ENOX1: variants seen among roughly 807,000 people sequenced by gnomAD.
ENOX1 encodes candidate growth-related and time keeping constitutive hydroquinone (NADH) oxidase.
ENOX1 carries 42 observed loss-of-function variants against 82.5 expected under a neutral mutation model. That is an observed-to-expected ratio of 0.51 (90% CI 0.40 to 0.66). ENOX1 has a LOEUF of 0.66. ENOX1 is among the 30% of genes least tolerant of loss of function. The pLI, the probability that ENOX1 is intolerant of heterozygous loss-of-function variation, is 0.00. For synonymous variants in ENOX1, 271 were observed against 282.2 expected, an observed-to-expected ratio of 0.96 and a Z score of 0.40; for missense variants, 608 against 811.6, an observed-to-expected ratio of 0.75 and a Z score of 3.05.
chr13:43,388,737 G>T (rs536406685), intron 5 of ENOX1, among the ~76,000 whole-genome samples: 4 of 152,318 alleles, frequency 2.6e-5, no homozygotes, highest in Admixed American at 2.0e-4. Flanking sequence ...ACCAGGGAAG[G>T]CTATTAGAAT....
At chr13:43,592,999 A>G (rs2153726299) in intron 2 of ENOX1, among the ~76,000 whole-genome samples, 1 of 152,374 alleles carries the variant, frequency 6.6e-6, no homozygotes, top group Non-Finnish European at 1.5e-5. Flanking sequence ...ATCAGTAACT[A>G]TCACGTTAGT....
intron 11 of ENOX1, among the ~76,000 whole-genome samples, chr13:43,316,662 C>T (rs2047509167): frequency 6.6e-6 from 1 of 151,070 alleles, no homozygotes; most frequent in African/African-American, 2.4e-5. Context: ...TTTTCAGAAG[C>T]ATATCCATTA....
intron 11 of ENOX1, among the ~76,000 whole-genome samples, chr13:43,321,401 AG>A (rs1303103505): frequency 6.6e-6 from 1 of 152,194 alleles, no homozygotes; most frequent in African/African-American, 2.4e-5. Context: ...TGTAGGCAGG[AG>A]CTTTTTCTTA....
At chr13:43,642,829 C>T (rs544353286) in intron 2 of ENOX1, among the ~76,000 whole-genome samples, 1 of 152,332 alleles carries the variant, frequency 6.6e-6, no homozygotes, top group Admixed American at 6.5e-5. Context: ...CCTAATAGAG[C>T]TCAGAATTTG....
intron 2 of ENOX1, among the ~76,000 whole-genome samples, chr13:43,626,190 C>A (rs1010871037): frequency 4.6e-5 from 7 of 151,786 alleles, no homozygotes; most frequent in African/African-American, 1.4e-4. Context: ...GTGACATATA[C>A]AATATATTTG....
intron 5 of ENOX1, among the ~76,000 whole-genome samples, chr13:43,406,134 T>C (rs578035203): frequency 1.2e-4 from 19 of 152,300 alleles, no homozygotes; most frequent in African/African-American, 4.3e-4. Flanking sequence ...AAGGTGTTCC[T>C]GTGAGGATTA....
intron 1 of ENOX1, among the ~76,000 whole-genome samples, chr13:43,768,943 A>T (rs923136528): frequency 3.9e-5 from 6 of 152,230 alleles, no homozygotes; most frequent in African/African-American, 1.4e-4. Context: ...CTCAATTTCA[A>T]TACTTAACAC....
intron 1 of ENOX1, among the ~76,000 whole-genome samples, chr13:43,743,463 T>C (rs1949860522): frequency 6.6e-6 from 1 of 152,198 alleles, no homozygotes; most frequent in South Asian, 2.1e-4. Flanking sequence ...TTGTGGTAGA[T>C]TTTCTAATAG....
chr13:43,483,122 G>A (rs1315486304), intron 3 of ENOX1, among the ~76,000 whole-genome samples: 1 of 152,168 alleles, frequency 6.6e-6, no homozygotes, highest in African/African-American at 2.4e-5. Flanking sequence ...CAGAATAAAA[G>A]TACCACCAAA....
At position 43,690,194 on chromosome 13, in the gene ENOX1, G is replaced by A. The variant is rs1594422150; in HGVS notation, c.-284-22650C>T. ...TATTCAGGACAACCATGGGAGTTCT[G>A]AGATTTTTGTATTTAGAACACTCTT... On this transcript the variant is annotated intron_variant, in intron 1 of 16. Transcript: ENST00000690772. Among the ~76,000 whole-genome samples, 4 of 150,390 alleles carry A rather than the reference G, an allele frequency of 2.7e-5. No homozygotes were observed. The South Asian group carries it at 8.4e-4, about 32-fold the overall frequency.
chr13:43,470,194 A>G (rs34344135), intron 3 of ENOX1, among the ~76,000 whole-genome samples: 3,580 of 62,150 alleles, frequency 0.058, 300 homozygotes, highest in African/African-American at 0.11. Flanking sequence ...GTGTGTGTGT[A>G]TATATATATG....
intron 1 of ENOX1, among the ~76,000 whole-genome samples, chr13:43,756,693 T>G (rs1950659974): frequency 2.0e-5 from 3 of 152,120 alleles, no homozygotes; most frequent in African/African-American, 7.2e-5. Flanking sequence ...TAGTAAGGAT[T>G]TGCTCATTAG....
intron 1 of ENOX1, among the ~76,000 whole-genome samples, chr13:43,676,109 G>A (rs2085496114): frequency 6.6e-6 from 1 of 152,156 alleles, no homozygotes. Flanking sequence ...ATGAATGGAA[G>A]AAACACTCAT....
At chr13:43,663,484 C>A (rs538845618) in intron 2 of ENOX1, among the ~76,000 whole-genome samples, 75 of 152,282 alleles carry the variant, frequency 4.9e-4, no homozygotes, top group African/African-American at 1.8e-3. Flanking sequence ...CAAATACAAT[C>A]TTCTCTATAA....
chr13:43,450,844 G>A (rs1418553336), intron 3 of ENOX1, among the ~76,000 whole-genome samples: 3 of 152,068 alleles, frequency 2.0e-5, no homozygotes, highest in Non-Finnish European at 4.4e-5. Context: ...AGCATCCCAA[G>A]TCCACAAGGC....
At chr13:43,534,044 A>G (rs533352591) in intron 2 of ENOX1, among the ~76,000 whole-genome samples, 2 of 152,138 alleles carry the variant, frequency 1.3e-5, no homozygotes, top group African/African-American at 4.8e-5. Flanking sequence ...TCAAGTGCAA[A>G]AGTTGAATTT....
intron 12 of ENOX1, among the ~76,000 whole-genome samples, chr13:43,281,314 GCAC>G (rs1457197853): frequency 1.3e-5 from 2 of 152,072 alleles, no homozygotes; most frequent in Non-Finnish European, 2.9e-5. Flanking sequence ...ATACAATACA[GCAC>G]CACCATCTTG....
chr13:43,525,369 C>T (rs1566450140), intron 2 of ENOX1, among the ~76,000 whole-genome samples: 1 of 152,152 alleles, frequency 6.6e-6, no homozygotes, highest in Non-Finnish European at 1.5e-5. Context: ...AACTACAAAT[C>T]ATTATATGCA....
intron 2 of ENOX1, among the ~76,000 whole-genome samples, chr13:43,568,940 A>G (rs1384436930): frequency 6.6e-6 from 1 of 152,154 alleles, no homozygotes; most frequent in Non-Finnish European, 1.5e-5. Flanking sequence ...ATTTCATGAT[A>G]TCTGCTAGCT....
Sources: allele counts gnomAD v4.1 joint callset (sites outside exome capture counted in the v4.1 genomes callset), GRCh38; gene constraint gnomAD v4.1.1; transcripts MANE v1.5; gene names NCBI Gene and HGNC (gene_info 2026-07-23, HGNC 2026-07-21).